PID1: variants seen among roughly 807,000 people sequenced by gnomAD.
PID1 encodes the protein phosphotyrosine interaction domain containing 1, also known as PTB-containing, cubilin and LRP1-interacting protein.
Under a neutral mutation model 19.1 loss-of-function variants are expected in PID1, and 10 were observed. The ratio of observed to expected loss-of-function variants is 0.52; its 90% confidence interval spans 0.32 to 0.89. The LOEUF (loss-of-function observed/expected upper bound fraction) is 0.89, where lower values mean the gene tolerates loss of function less well. PID1 is among the 40% of genes least tolerant of loss of function. The probability of loss-of-function intolerance (pLI) is 0.03; values close to 1 mark genes in which losing one functional copy is unlikely to be tolerated. For synonymous variants in PID1, 130 were observed against 116.0 expected (o/e 1.12, Z -0.78); for missense variants, 248 against 285.3 (o/e 0.87, Z 0.94).
chr2:229,193,544 T>C (rs529216166), intron 1 of PID1, among the ~76,000 whole-genome samples: 174 of 152,268 alleles, frequency 1.1e-3, no homozygotes, highest in Non-Finnish European at 1.8e-3. Context: ...GCATTGTTAG[T>C]CTACCACACA....
At chr2:229,247,293 A>T (rs2106280950) in intron 1 of PID1, among the ~76,000 whole-genome samples, 1 of 152,260 alleles carries the variant, frequency 6.6e-6, no homozygotes, top group African/African-American at 2.4e-5. Flanking sequence ...AAGCTCCAGA[A>T]CTCACACATC....
intron 2 of PID1, among the ~76,000 whole-genome samples, chr2:229,044,887 C>T (rs1262387485): frequency 1.3e-5 from 2 of 152,164 alleles, no homozygotes; most frequent in Non-Finnish European, 2.9e-5. Context: ...ATTAATTCTC[C>T]TTAACGTCCA....
intron 2 of PID1, among the ~76,000 whole-genome samples, chr2:229,076,161 T>C (rs1467208286): frequency 6.6e-6 from 1 of 152,204 alleles, no homozygotes; most frequent in Non-Finnish European, 1.5e-5. Flanking sequence ...GTAATCTATA[T>C]TTTTAACAAG....
At chr2:229,257,685 G>A (rs1690340204) in intron 1 of PID1, among the ~76,000 whole-genome samples, 1 of 152,136 alleles carries the variant, frequency 6.6e-6, no homozygotes, top group Admixed American at 6.5e-5. Flanking sequence ...GACCTTAAAG[G>A]AGGTTGAGTT....
intron 2 of PID1, among the ~76,000 whole-genome samples, chr2:229,054,617 C>T (rs905450424): frequency 1.3e-5 from 2 of 150,536 alleles, no homozygotes; most frequent in African/African-American, 4.9e-5. Flanking sequence ...CCCTAGAGAA[C>T]CCCTCCAGGT....
intron 1 of PID1, among the ~76,000 whole-genome samples, chr2:229,232,818 T>C (rs957722767): frequency 1.5e-5 from 2 of 131,748 alleles, no homozygotes; most frequent in African/African-American, 2.7e-5. Flanking sequence ...TATATATATA[T>C]ATATATTTAC....
At chr2:229,066,130 C>A (rs1039894937) in intron 2 of PID1, among the ~76,000 whole-genome samples, 2 of 152,026 alleles carry the variant, frequency 1.3e-5, no homozygotes, top group Admixed American at 6.6e-5. Flanking sequence ...ACCAACCAAC[C>A]AAACAGAACT....
At chr2:229,169,972 C>T (rs981983613) in intron 1 of PID1, among the ~76,000 whole-genome samples, 2 of 152,184 alleles carry the variant, frequency 1.3e-5, no homozygotes, top group Admixed American at 6.5e-5. Flanking sequence ...CAACCCCAGA[C>T]ATCTGGTGAC....
At chr2:229,041,657 T>C (rs990910381) in intron 2 of PID1, among the ~76,000 whole-genome samples, 4 of 152,162 alleles carry the variant, frequency 2.6e-5, no homozygotes, top group Non-Finnish European at 1.5e-5. Flanking sequence ...ACCTATTATT[T>C]ACAAATGGAG....
intron 1 of PID1, among the ~76,000 whole-genome samples, chr2:229,170,746 G>A (rs1003649740): frequency 6.6e-6 from 1 of 152,198 alleles, no homozygotes; most frequent in Admixed American, 6.5e-5. Context: ...GACAGTCTTT[G>A]ATGCACGCAC....
chr2:229,268,258 G>C (rs1329064621), intron 1 of PID1, among the ~76,000 whole-genome samples: 1 of 152,122 alleles, frequency 6.6e-6, no homozygotes, highest in Non-Finnish European at 1.5e-5. Context: ...CATTTTGTGG[G>C]GACACAGAAG....
At chr2:229,191,210 T>C (rs1442999188) in intron 1 of PID1, among the ~76,000 whole-genome samples, 2 of 152,138 alleles carry the variant, frequency 1.3e-5, no homozygotes, top group African/African-American at 4.8e-5. Context: ...CTCCCAGCTG[T>C]CTTTAGAAAA....
intron 2 of PID1, among the ~76,000 whole-genome samples, chr2:229,130,560 C>T (rs1274766887): frequency 6.6e-6 from 1 of 152,170 alleles, no homozygotes; most frequent in Non-Finnish European, 1.5e-5. Context: ...TGAGGAAACT[C>T]GTAGGCTTGT....
chr2:229,042,266 A>T (rs1693787379), intron 2 of PID1, among the ~76,000 whole-genome samples: 2 of 152,200 alleles, frequency 1.3e-5, no homozygotes, highest in South Asian at 4.1e-4. Flanking sequence ...ACCTATGTAT[A>T]TTGAAATATT....
chr2:229,060,612 C>T (rs1365880489), intron 2 of PID1, among the ~76,000 whole-genome samples: 2 of 152,006 alleles, frequency 1.3e-5, no homozygotes, highest in African/African-American at 4.8e-5. Context: ...ACCTTGATTC[C>T]AATTCCTCTG....
intron 1 of PID1, among the ~76,000 whole-genome samples, chr2:229,197,590 C>T (rs1003031059): frequency 6.6e-6 from 1 of 151,804 alleles, no homozygotes; most frequent in Non-Finnish European, 1.5e-5. Flanking sequence ...GCTTCAAATG[C>T]AGCATAATTA....
chr2:229,057,900 G>A, intron 2 of PID1, among the ~76,000 whole-genome samples: 1 of 152,180 alleles, frequency 6.6e-6, no homozygotes, highest in Non-Finnish European at 1.5e-5. Context: ...CGTAAAATCA[G>A]TATTCGATAC....
intron 2 of PID1, among the ~76,000 whole-genome samples, chr2:229,099,447 G>A (rs939712947): frequency 6.6e-6 from 1 of 152,124 alleles, no homozygotes; most frequent in Non-Finnish European, 1.5e-5. Flanking sequence ...CAACAGCTTA[G>A]CTTACTGCAC....
At chr2:229,122,280 G>A (rs1431576138) in intron 2 of PID1, among the ~76,000 whole-genome samples, 1 of 152,172 alleles carries the variant, frequency 6.6e-6, no homozygotes, top group Non-Finnish European at 1.5e-5. Context: ...TGTATTATGT[G>A]CCTAAAATGT....
Sources: gnomAD v4.1 joint callset for allele counts (sites outside exome capture counted in the v4.1 genomes callset) on GRCh38, gnomAD v4.1.1 for gene constraint, MANE v1.5 for transcripts, NCBI Gene and HGNC (gene_info 2026-07-23, HGNC 2026-07-21) for gene names.